Variants in KRT23 observed in about 807,000 individuals in gnomAD.
KRT23 encodes keratin, type I cytoskeletal 23.
KRT23 carries 38 observed loss-of-function variants against 47.6 expected under a neutral mutation model. The ratio of observed to expected loss-of-function variants is 0.80; its 90% CI spans 0.62 to 1.05. The LOEUF (loss-of-function observed/expected upper bound fraction) is 1.05, where lower values mean the gene tolerates loss of function less well. KRT23 is among the 50% of genes least tolerant of loss of function. The pLI, the probability that KRT23 is intolerant of heterozygous loss-of-function variation, is 0.00. For missense variants in KRT23, 503 were observed against 529.5 expected (o/e 0.95, Z 0.49); for synonymous variants, 191 against 199.0 (o/e 0.96, Z 0.34).
Position 40,922,773 on chromosome 17 carries a change from G to T in KRT23, c.*216C>A. The T allele has an allele frequency of 2.3e-6, 1 of 430,130 alleles. No homozygotes were observed. Among genetic ancestry groups the T allele is most frequent in the Non-Finnish European group, 4.1e-6 (1 of 242,680 alleles). The allele number at this position is 430,130 out of a possible 1,614,324, so 26.6% of individuals were successfully genotyped here. On this transcript the variant is annotated 3_prime_UTR_variant, in exon 9 of 9. Transcript: ENST00000209718. The stretch of plus-strand genomic sequence containing the variant: ...ATCTGAAGGCTGCAGTAGGAAAGTA[G>T]AGCTTTACCCTCATAAACTCGCACT...
In KRT23 at chr17:40,926,146, A is replaced by AT. The variant is rs1052922209; in HGVS notation, c.922-573dup. 9.2e-5 allele frequency among the ~76,000 whole-genome samples: 14 copies of AT among 152,140 alleles called. No homozygotes were observed. In the South Asian group the frequency reaches 1.2e-3, roughly 14 times the overall value. The stretch of plus-strand genomic sequence containing the variant: ...GACGATGGTAAAAAAAAAAAATGTC[A>AT]TTTTTTGAGGAAATTCTAACAGCTG... On this transcript the variant is annotated intron_variant, in intron 6 of 8. Transcript: ENST00000209718.
intron 2 of KRT23, among the ~76,000 whole-genome samples, chr17:40,933,203 G>T (rs1909816551): frequency 6.6e-6 from 1 of 152,178 alleles, no homozygotes; most frequent in African/African-American, 2.4e-5. Context: ...GACTTTTGCT[G>T]TTCATGGTGG....
chr17:40,926,256 G>A (rs756427115), intron 6 of KRT23, among the ~76,000 whole-genome samples: 3 of 152,230 alleles, frequency 2.0e-5, no homozygotes, highest in South Asian at 2.1e-4. Context: ...TTTCTGAAGC[G>A]CATAATTTTA....
chr17:40,932,222 CT>C (rs1335192844), intron 2 of KRT23, among the ~76,000 whole-genome samples: 1 of 152,008 alleles, frequency 6.6e-6, no homozygotes, highest in Non-Finnish European at 1.5e-5. Flanking sequence ...GCTTAAGAAG[CT>C]TCAGTAGTGG....
intron 3 of KRT23, among the ~76,000 whole-genome samples, chr17:40,931,040 C>T (rs2051808): frequency 0.44 from 58,683 of 134,290 alleles, 13,234 homozygotes; most frequent in East Asian, 0.71. Context: ...GAGATGGAGT[C>T]TCACTCTGTT....
chr17:40,929,138 A>T (rs960970016), intron 4 of KRT23, among the ~76,000 whole-genome samples: 4 of 151,090 alleles, frequency 2.6e-5, no homozygotes, highest in Admixed American at 6.6e-5. Flanking sequence ...TTATGCTTCC[A>T]TAGTGTGCAA....
chr17:40,931,442 T>G lies in KRT23; in HGVS notation c.410A>C (p.Lys137Thr). 1 of 1,613,630 alleles carries G rather than the reference T, an allele frequency of 6.2e-7. No homozygotes were observed. The highest frequency in any genetic ancestry group is 1.7e-4 in the Middle Eastern group (1 of 6,060). The change falls in exon 3 of 9, where the codon AAG becomes ACG. Residue 137 changes from lysine to threonine, a missense_variant. Lys to Thr is a moderately conservative substitution (Grantham distance 78, BLOSUM62 -1). Transcript: ENST00000209718. ...THLQEQIVDG[K>T]MTNAQIILLI... ...AAGAATAATCTGAGCATTGGTCATC[T>G]TACCATCCACTATCTGTAAAACATG...
Position 40,929,106 on chromosome 17 carries a change from G to C in KRT23, c.637-499C>G, listed in dbSNP as rs553292323. On this transcript the variant is annotated intron_variant, in intron 4 of 8. Coordinates refer to ENST00000209718, the MANE Select transcript of KRT23 (RefSeq NM_015515.5). ...TCCATGATTACTGACTTGATCCGTG[G>C]TTGAAAATATTTCAGAAAGAATTAT... 3.3e-5 allele frequency among the ~76,000 whole-genome samples: 5 copies of C among 152,112 alleles called. No individual in the cohort carries two copies. The East Asian group carries it at 9.7e-4, about 29-fold the overall frequency.
rs553085808 is a variant in KRT23 at position 40,924,890 on chromosome 17, C to T, written c.1143-387G>A. 7.2e-5 allele frequency among the ~76,000 whole-genome samples: 11 copies of T among 152,212 alleles called. No homozygotes were observed. In the South Asian group the frequency reaches 1.0e-3, roughly 14 times the overall value. On this transcript the variant is annotated intron_variant, in intron 7 of 8. Coordinates refer to ENST00000209718, the MANE Select transcript of KRT23 (RefSeq NM_015515.5). ...TTATAAAACTTCTATCCCTTCCTTT[C>T]GGATCATAGAATATATATGCCCTTT...
Position 40,922,765 on chromosome 17 carries a change from G to A in KRT23, c.*224C>T, listed in dbSNP as rs1909000287. ...TGATGAGAATCTGAAGGCTGCAGTA[G>A]GAAAGTAGAGCTTTACCCTCATAAA... On this transcript the variant is annotated 3_prime_UTR_variant, in exon 9 of 9. Coordinates refer to ENST00000209718, the MANE Select transcript of KRT23 (RefSeq NM_015515.5). 2.4e-6 allele frequency: 1 copy of A among 415,386 alleles called. No homozygotes were observed. The highest frequency in any genetic ancestry group is 3.9e-5 in the South Asian group (1 of 25,706). 25.7% of individuals were successfully genotyped at this position (415,386 alleles called of 1,614,324 possible).
chr17:40,929,138 A>G (rs960970016), intron 4 of KRT23, among the ~76,000 whole-genome samples: 1 of 151,090 alleles, frequency 6.6e-6, no homozygotes. Context: ...TTATGCTTCC[A>G]TAGTGTGCAA....
At chr17:40,929,821 A>G (rs1320280576) in intron 4 of KRT23, 119 bp downstream of exon 4, 5 of 772,108 alleles carry the variant, frequency 6.5e-6, no homozygotes, top group Non-Finnish European at 1.0e-5. Context: ...AAGACTATTT[A>G]GGGTGAAGGA....
chr17:40,934,841 GA>G (rs1909935712), intron 2 of KRT23, among the ~76,000 whole-genome samples: 1 of 152,142 alleles, frequency 6.6e-6, no homozygotes, highest in Admixed American at 6.5e-5. Flanking sequence ...AAAACTCTTG[GA>G]TAGTGTTGAC....
At chr17:40,932,932 G>A (rs1445232768) in intron 2 of KRT23, among the ~76,000 whole-genome samples, 1 of 152,174 alleles carries the variant, frequency 6.6e-6, no homozygotes, top group Non-Finnish European at 1.5e-5. Context: ...GAGCTTGGCT[G>A]AGTCTCAGTT....
chr17:40,926,419 C>T (rs977320714), intron 6 of KRT23, among the ~76,000 whole-genome samples: 4 of 152,202 alleles, frequency 2.6e-5, no homozygotes, highest in Non-Finnish European at 1.5e-5. Context: ...GTTCCCTCTC[C>T]TCTGTCCTTG....
Position 40,936,732 on chromosome 17 carries a change from T to G in KRT23, c.-129A>C. On this transcript the variant is annotated 5_prime_UTR_variant, in exon 2 of 9. Transcript: ENST00000209718. ...TGGGAGTTCCCTTCTCTGACAATTG[T>G]ACCAACAAGATTGTATCATTGTGCA... The G allele has an allele frequency of 4.0e-5, 32 of 792,692 alleles. No individual in the cohort carries two copies. The highest frequency in any genetic ancestry group is 5.7e-5 in the Non-Finnish European group (31 of 546,822). The allele number at this position is 792,692 out of a possible 1,614,324, so 49.1% of individuals were successfully genotyped here. A position where few individuals can be genotyped will look rare whatever the true frequency, so the allele number is the denominator to read the frequency against.
In KRT23 at chr17:40,923,414, T is replaced by C. The variant is rs72824076; in HGVS notation, c.1175-331A>G. ...GTGGGCTTTGTAGCACTGCACAGAT[T>C]CCTTGAGCTTACAGAGCACTTAGTG... On this transcript the variant is annotated intron_variant, in intron 8 of 8. Transcript: ENST00000209718. Among the ~76,000 whole-genome samples the C allele has an allele frequency of 8.9e-3, 1,360 of 152,334 alleles. 6 individuals carry two copies. The highest frequency in any genetic ancestry group is 0.014 in the Non-Finnish European group (925 of 68,026).
At chr17:40,931,307 G>T in intron 3 of KRT23, 66 bp downstream of exon 3, 2 of 1,255,172 alleles carry the variant, frequency 1.6e-6, no homozygotes, top group Non-Finnish European at 1.2e-6. Context: ...ACCGCGCCCC[G>T]CCGAGTTTTC....
In KRT23 at chr17:40,928,534, A is replaced by G; in HGVS notation, c.710T>C (p.Leu237Pro). 6.2e-7 allele frequency: 1 copy of G among 1,614,060 alleles called. No homozygotes were observed. The highest frequency in any genetic ancestry group is 8.5e-7 in the Non-Finnish European group (1 of 1,179,978). Residue 237 changes from leucine to proline, a missense_variant, in exon 5 of 9, where the codon CTG becomes CCG. Physicochemically the swap from Leu to Pro is moderately conservative, Grantham distance 98. Transcript: ENST00000209718. ...VKVDTGPRED[L>P]IKVLEDMRQE... ...TCTCATATCCTCCAGGACCTTAATC[A>G]GATCTTCCCTGGGACCTGTATCCAC...
Sources: allele counts gnomAD v4.1 joint callset (sites outside exome capture counted in the v4.1 genomes callset), GRCh38; gene constraint gnomAD v4.1.1; transcripts MANE v1.5; gene names NCBI Gene and HGNC (gene_info 2026-07-23, HGNC 2026-07-21).